Variants in DUXA observed in about 807,000 individuals in gnomAD.
DUXA encodes double homeobox A.
In DUXA, 25 loss-of-function variants were observed where a neutral mutation model predicts 27.5. The observed-to-expected ratio is 0.91, with a 90% CI of 0.66 to 1.27. The LOEUF (loss-of-function observed/expected upper bound fraction) is 1.27, where lower values mean the gene tolerates loss of function less well. DUXA is among the 50% of genes most tolerant of loss of function. The pLI is 0.00. For synonymous variants in DUXA, 90 were observed against 80.5 expected (o/e 1.12, Z -0.63); for missense variants, 247 against 242.9 (o/e 1.02, Z -0.11).
In DUXA at chr19:57,155,261, A is replaced by G. The variant is rs965395752; in HGVS notation, c.544+6T>C. On this transcript the variant is annotated splice_donor_region_variant and intron_variant, in intron 5 of 5. Coordinates refer to ENST00000554048, the MANE Select transcript of DUXA (RefSeq NM_001012729.2). Reference sequence around the variant, plus strand: ...TGAACCACATTGGAAACAACAGGCTAGTTACCTTGCAGTCCCTCAGGAATC... The same window carrying G: ...TGAACCACATTGGAAACAACAGGCTGGTTACCTTGCAGTCCCTCAGGAATC... 4 of 1,613,248 alleles carry G rather than the reference A, an allele frequency of 2.5e-6. No homozygotes were observed. Among genetic ancestry groups the G allele is most frequent in the Non-Finnish European group, 2.5e-6 (3 of 1,179,232 alleles).
chr19:57,154,670 G>T (rs10421832), intron 5 of DUXA, among the ~76,000 whole-genome samples, 188 bp from the exon 6 acceptor site: 49,752 of 150,994 alleles, frequency 0.33, 10,245 homozygotes, highest in African/African-American at 0.55. Context: ...TTCACGCCAT[G>T]CTCCTGCCTC....
chr19:57,157,808 T>G (rs2086999689), intron 4 of DUXA, among the ~76,000 whole-genome samples: 1 of 151,896 alleles, frequency 6.6e-6, no homozygotes, highest in Non-Finnish European at 1.5e-5. Flanking sequence ...CTGGGCAACA[T>G]GGCGAAACCC....
chr19:57,154,407 T>C lies in DUXA; in HGVS notation c.*5A>G. Reference sequence around the variant, plus strand: ...TATTATCAAGTACACTGAATTTGACTGTGTTCACCACGTTCTGGCTCCAGA... The same window carrying C: ...TATTATCAAGTACACTGAATTTGACCGTGTTCACCACGTTCTGGCTCCAGA... On this transcript the variant is annotated 3_prime_UTR_variant, in exon 6 of 6. Transcript: ENST00000554048. 1 of 1,612,958 alleles carries C rather than the reference T, an allele frequency of 6.2e-7. No individual in the cohort carries two copies.
rs71186230 is a variant in DUXA, at chr19:57,161,324, CAA to C, written c.26-529_26-528del. ...TGGGTAACAGAGTGAGACTCTATCT[CAA>C]AAAAAAAAAAAAAAAAACTGGGCGC... On this transcript the variant is annotated intron_variant, in intron 1 of 5. Transcript: ENST00000554048. Among the ~76,000 whole-genome samples, 68 of 47,378 alleles carry C rather than the reference CAA, an allele frequency of 1.4e-3. 3 individuals carry two copies. Among genetic ancestry groups the C allele is most frequent in the African/African-American group, 6.1e-3 (43 of 7,100 alleles). 31.1% of individuals were successfully genotyped at this position (47,378 alleles called of 152,430 possible). A position where few individuals can be genotyped will look rare whatever the true frequency, so the allele number is the denominator to read the frequency against.
intron 1 of DUXA, among the ~76,000 whole-genome samples, chr19:57,161,518 G>A (rs1489891102): frequency 2.0e-5 from 3 of 149,972 alleles, no homozygotes; most frequent in Non-Finnish European, 4.4e-5. Flanking sequence ...AGCTACTCCG[G>A]AGGCTGAGGC....
At chr19:57,166,551 G>A (rs1234682061) in intron 1 of DUXA, among the ~76,000 whole-genome samples, 4 of 152,128 alleles carry the variant, frequency 2.6e-5, no homozygotes, top group African/African-American at 7.2e-5. Context: ...CTCGTGATCT[G>A]CCCACCGCGG....
chr19:57,162,622 T>G (rs2087030162), intron 1 of DUXA, among the ~76,000 whole-genome samples: 1 of 152,214 alleles, frequency 6.6e-6, no homozygotes, highest in Non-Finnish European at 1.5e-5. Flanking sequence ...TTGCCCAGGC[T>G]GGAGTGCAAT....
chr19:57,160,035 G>T (rs953037860), intron 2 of DUXA, among the ~76,000 whole-genome samples: 3 of 152,098 alleles, frequency 2.0e-5, no homozygotes, highest in African/African-American at 7.2e-5. Context: ...AACTTGGGAG[G>T]CGGGGGTTTC....
At chr19:57,163,153 C>G (rs1293875958) in intron 1 of DUXA, among the ~76,000 whole-genome samples, 1 of 152,038 alleles carries the variant, frequency 6.6e-6, no homozygotes, top group East Asian at 1.9e-4. Context: ...TCACTTGCTC[C>G]TCCGTCTACC....
At chr19:57,165,318 A>ATATATATATATATATAT (rs1555759520) in intron 1 of DUXA, among the ~76,000 whole-genome samples, 1 of 97,076 alleles carries the variant, frequency 1.0e-5, no homozygotes, top group East Asian at 2.9e-4. Context: ...GGAAAAAAAA[A>ATATATATATATATATAT]AAAAAAATAT....
At chr19:57,158,656 GAT>G (rs1425599735) in intron 3 of DUXA, among the ~76,000 whole-genome samples, 183 bp from the exon 4 acceptor site, 2 of 152,274 alleles carry the variant, frequency 1.3e-5, no homozygotes, top group South Asian at 2.1e-4. Context: ...GACCCAGGAT[GAT>G]ATGTCTGGGC....
rs1332968241 is a variant in DUXA at position 57,160,742 on chromosome 19, C to A, written c.81G>T (p.Leu27Phe). ...RCRTKFTEEQ[L>F]KILINTFNQK... ...GATTGAAGGTATTGATGAGGATTTT[C>A]AACTGTTCTTCTGTGAATTTTGTGC... Residue 27 changes from leucine (L) to phenylalanine (F), a missense_variant, in exon 2 of 6, where the codon TTG (leucine) becomes TTT (phenylalanine). Leu to Phe is a conservative substitution (Grantham distance 22, BLOSUM62 0). Transcript: ENST00000554048. 2.5e-6 allele frequency: 4 copies of A among 1,614,024 alleles called. No individual in the cohort carries two copies. Among genetic ancestry groups the A allele is most frequent in the East Asian group, 2.2e-5 (1 of 44,890 alleles).
chr19:57,165,322 A>ATATATATATATAT lies in DUXA; in HGVS notation c.25+2096_25+2097insATATATATATATA, dbSNP rs1484903570. ...TTTCTGGAGTAGGAAAAAAAAAAAA[A>ATATATATATATAT]AAATATATATATATATATATATGTA... On this transcript the variant is annotated intron_variant, in intron 1 of 5. Transcript: ENST00000554048. 4.4e-4 allele frequency among the ~76,000 whole-genome samples: 39 copies of ATATATATATATAT among 89,080 alleles called. 1 individual carries two copies. Among genetic ancestry groups the ATATATATATATAT allele is most frequent in the South Asian group, 3.8e-3 (10 of 2,650 alleles). 58.4% of individuals were successfully genotyped at this position (89,080 alleles called of 152,430 possible). A position where few individuals can be genotyped will look rare whatever the true frequency, so the allele number is the denominator to read the frequency against.
At chr19:57,164,100 G>A (rs1251502669) in intron 1 of DUXA, among the ~76,000 whole-genome samples, 1 of 152,028 alleles carries the variant, frequency 6.6e-6, no homozygotes, top group Non-Finnish European at 1.5e-5. Context: ...CAGGCAAATA[G>A]ACACATCGAA....
intron 3 of DUXA, among the ~76,000 whole-genome samples, 163 bp from the exon 4 acceptor site, chr19:57,158,636 T>C (rs1044624683): frequency 6.6e-6 from 1 of 152,114 alleles, no homozygotes; most frequent in African/African-American, 2.4e-5. Context: ...AGGTGGAAGG[T>C]TCTAGAGGAG....
chr19:57,157,146 G>A (rs138676774), intron 4 of DUXA, among the ~76,000 whole-genome samples: 2 of 152,256 alleles, frequency 1.3e-5, no homozygotes, highest in African/African-American at 2.4e-5. Flanking sequence ...AAAGTAAAAC[G>A]AAAGAACCAT....
chr19:57,157,127 G>A (rs564920575), intron 4 of DUXA, among the ~76,000 whole-genome samples: 8 of 152,232 alleles, frequency 5.3e-5, no homozygotes, highest in African/African-American at 1.9e-4. Context: ...AAATGAACAC[G>A]AGACGAGGAA....
At chr19:57,165,740 G>A (rs1319496802) in intron 1 of DUXA, among the ~76,000 whole-genome samples, 9 of 146,408 alleles carry the variant, frequency 6.1e-5, no homozygotes, top group Non-Finnish European at 1.5e-5. Flanking sequence ...GGGAGGCAGA[G>A]CTTGCAGTGA....
chr19:57,163,687 C>T (rs2087036271), intron 1 of DUXA, among the ~76,000 whole-genome samples: 1 of 152,150 alleles, frequency 6.6e-6, no homozygotes, highest in African/African-American at 2.4e-5. Context: ...CCTCAGCCTC[C>T]CAAAGTGCTG....
Sources: gnomAD v4.1 joint callset for allele counts (sites outside exome capture counted in the v4.1 genomes callset) on GRCh38, gnomAD v4.1.1 for gene constraint, MANE v1.5 for transcripts, NCBI Gene and HGNC (gene_info 2026-07-23, HGNC 2026-07-21) for gene names.